The following IL5RA variants were observed in gnomAD, a reference collection of about 807,000 sequenced individuals.
IL5RA encodes interleukin 5 receptor subunit alpha.
A neutral mutation model predicts 50.0 loss-of-function variants in IL5RA; 49 were observed. That is an observed-to-expected ratio of 0.98 (90% CI 0.78 to 1.24). The LOEUF (loss-of-function observed/expected upper bound fraction) is 1.24, where lower values mean the gene tolerates loss of function less well. Among genes scored for constraint, IL5RA ranks in the 50% most tolerant of loss-of-function variants. IL5RA has a pLI of 0.00. For missense variants in IL5RA, 600 were observed against 500.4 expected (o/e 1.20, Z -1.90); for synonymous variants, 202 against 174.0 (o/e 1.16, Z -1.26).
chr3:3,101,576 T>A, intron 5 of IL5RA, 116 bp downstream of exon 5: 1 of 939,110 alleles, frequency 1.1e-6, no homozygotes, highest in Non-Finnish European at 1.6e-6. Flanking sequence ...TATGGGAGAG[T>A]ACTTGAGAAG....
intron 2 of IL5RA, among the ~76,000 whole-genome samples, chr3:3,108,164 T>A (rs923954286): frequency 6.6e-6 from 1 of 152,208 alleles, no homozygotes; most frequent in East Asian, 1.9e-4. Context: ...ATAAAAGTTA[T>A]CTCTTGGGGG....
rs139531666 is a variant in IL5RA at position 3,092,094 on chromosome 3, C to T, written c.994+130G>A. The T allele has an allele frequency of 8.1e-5, 117 of 1,445,602 alleles. No individual in the cohort carries two copies. The highest frequency in any genetic ancestry group is 3.6e-4 in the East Asian group (15 of 41,526). The allele number at this position is 1,445,602 out of a possible 1,614,324, so 89.5% of individuals were successfully genotyped here. On this transcript the variant is annotated intron_variant, in intron 9 of 11. Coordinates refer to ENST00000446632, the MANE Select transcript of IL5RA (RefSeq NM_175726.4). This position sits in a 1 kb window ranked among gnomAD's most constrained non-coding sequence, Gnocchi z 4.2. ...ATTCCTGATTGAAAAGGCAGTAGAC[C>T]GAGAGAAAATTAGTCACAATAGAGA...
intron 5 of IL5RA, 77 bp from the exon 6 acceptor site, chr3:3,098,367 T>A (rs1703463985): frequency 2.3e-6 from 3 of 1,311,986 alleles, no homozygotes; most frequent in African/African-American, 1.5e-5. Flanking sequence ...GGAACTATAG[T>A]GATGTGAACG....
intron 9 of IL5RA, among the ~76,000 whole-genome samples, chr3:3,083,388 A>G (rs955443568): frequency 4.6e-5 from 7 of 152,212 alleles, no homozygotes; most frequent in Admixed American, 1.3e-4. Flanking sequence ...GCTTGCATTA[A>G]CCGAATAGAG....
Position 3,069,378 on chromosome 3 carries a change from C to T in IL5RA, c.*847G>A, listed in dbSNP as rs1304288219. 1 of 152,232 alleles carries T rather than the reference C, an allele frequency of 6.6e-6. No homozygotes were observed. The highest frequency in any genetic ancestry group is 1.5e-5 in the Non-Finnish European group (1 of 68,046). The allele number at this position is 152,232 out of a possible 1,614,324, so 9.4% of individuals were successfully genotyped here. On this transcript the variant is annotated 3_prime_UTR_variant, in exon 12 of 12. Transcript: ENST00000446632. ...GGCATTACTTGACCAACAAGTTGTT[C>T]TGAAGTCTTTGGCAGCAAACATCTC...
Position 3,066,562 on chromosome 3 carries a change from T to C in IL5RA, c.*3663A>G, listed in dbSNP as rs1702142175. 1 of 152,242 alleles carries C rather than the reference T, an allele frequency of 6.6e-6. No homozygotes were observed. Among genetic ancestry groups the C allele is most frequent in the Non-Finnish European group, 1.5e-5 (1 of 68,042 alleles). 9.4% of individuals were successfully genotyped at this position (152,242 alleles called of 1,614,324 possible). A position where few individuals can be genotyped will look rare whatever the true frequency, so the allele number is the denominator to read the frequency against. ...TTCTAATTAGGTTTTTCACCTTTAC[T>C]TGTGCCATCAGAGATTGTTTTCAGT... On this transcript the variant is annotated 3_prime_UTR_variant, in exon 12 of 12. Coordinates refer to ENST00000446632, the MANE Select transcript of IL5RA (RefSeq NM_175726.4).
At chr3:3,090,099 G>T in intron 9 of IL5RA, 1 of 1,129,826 alleles carries the variant, frequency 8.9e-7, no homozygotes, top group African/African-American at 1.6e-5. Flanking sequence ...TTCCAAACAA[G>T]TTTTTTGATA....
intron 1 of IL5RA, among the ~76,000 whole-genome samples, chr3:3,109,488 A>G (rs777383015): frequency 7.2e-5 from 11 of 152,206 alleles, no homozygotes; most frequent in Non-Finnish European, 1.3e-4. Flanking sequence ...GGCAGAATAT[A>G]TGTTCTCATT....
At chr3:3,093,910 G>T (rs959592586) in intron 8 of IL5RA, among the ~76,000 whole-genome samples, 4 of 151,978 alleles carry the variant, frequency 2.6e-5, no homozygotes, top group African/African-American at 9.7e-5. Context: ...TCCTAGCTTT[G>T]TGACTGTGGG....
chr3:3,079,836 C>A (rs112009476), intron 9 of IL5RA, among the ~76,000 whole-genome samples: 2,411 of 152,234 alleles, frequency 0.016, 37 homozygotes, highest in Non-Finnish European at 0.024. Context: ...GCGTTTGAGA[C>A]CAGCCTGGCC....
At chr3:3,097,656 G>T (rs534910046) in intron 7 of IL5RA, among the ~76,000 whole-genome samples, 2 of 152,140 alleles carry the variant, frequency 1.3e-5, no homozygotes, top group African/African-American at 2.4e-5. Context: ...ATATCCTACA[G>T]TGCCCAGCAC....
At chr3:3,076,670 G>A (rs1702497391) in intron 9 of IL5RA, 43 bp from the exon 10 acceptor site, 1 of 1,281,408 alleles carries the variant, frequency 7.8e-7, no homozygotes. Flanking sequence ...TAAAGTCCAA[G>A]TTAGAAGCAG....
At chr3:3,084,384 C>T (rs1702778648) in intron 9 of IL5RA, among the ~76,000 whole-genome samples, 1 of 152,178 alleles carries the variant, frequency 6.6e-6, no homozygotes, top group South Asian at 2.1e-4. Context: ...AATAAACACA[C>T]ACCAAATATT....
intron 9 of IL5RA, among the ~76,000 whole-genome samples, chr3:3,083,193 G>T (rs773444623): frequency 6.6e-5 from 10 of 152,228 alleles, no homozygotes; most frequent in Non-Finnish European, 1.5e-4. Context: ...GTGCAGGCAA[G>T]TCAGGAGCAG....
At position 3,070,278 on chromosome 3, in the gene IL5RA, T is replaced by C. The variant is rs1164738881; in HGVS notation, c.1210A>G (p.Ile404Val). 1 of 1,613,396 alleles carries C rather than the reference T, an allele frequency of 6.2e-7. No individual in the cohort carries two copies. The highest frequency in any genetic ancestry group is 1.3e-5 in the African/African-American group (1 of 74,890). Residue 404 changes from isoleucine to valine, a missense_variant, in exon 12 of 12, where the codon ATC becomes GTC. Ile to Val is a conservative substitution (Grantham distance 29). Transcript: ENST00000446632. ...AGSSETEIEV[I>V]CYIEKPGVET... is the part of the protein sequence containing the mutation. ...ACTCCAGGCTTCTCTATATAACAGATGACTTCAATTTCCGTCTCACTGGAC... is the reference window on the plus strand; with the variant it reads ...ACTCCAGGCTTCTCTATATAACAGACGACTTCAATTTCCGTCTCACTGGAC...
chr3:3,074,845 C>G lies in IL5RA; in HGVS notation c.1113G>C (p.Leu371Phe). The change falls in exon 11 of 12, where the codon TTG becomes TTC. Residue 371 changes from leucine to phenylalanine, a missense_variant. Coordinates refer to ENST00000446632, the MANE Select transcript of IL5RA (RefSeq NM_175726.4). ...ICKICHLWIKLFPPIPAPKSN... is the reference protein window; with the variant it reads ...ICKICHLWIKFFPPIPAPKSN... ...TTTTTGGTGCTGGAATTGGTGGAAA[C>G]AACTTGATCCATAAATGACATCTGA... 6.2e-7 allele frequency: 1 copy of G among 1,607,510 alleles called. No individual in the cohort carries two copies. The highest frequency in any genetic ancestry group is 8.5e-7 in the Non-Finnish European group (1 of 1,174,028).
At chr3:3,104,400 CA>C (rs1359740694) in intron 3 of IL5RA, among the ~76,000 whole-genome samples, 1 of 152,228 alleles carries the variant, frequency 6.6e-6, no homozygotes, top group Non-Finnish European at 1.5e-5. Context: ...GCAATAGTCA[CA>C]TATGGCTAGT....
chr3:3,092,368 T>C lies in IL5RA; in HGVS notation c.856-6A>G. 1 of 1,611,794 alleles carries C rather than the reference T, an allele frequency of 6.2e-7. No homozygotes were observed. The highest frequency in any genetic ancestry group is 8.5e-7 in the Non-Finnish European group (1 of 1,179,190). On this transcript the variant is annotated splice_polypyrimidine_tract_variant and splice_region_variant and intron_variant, in intron 8 of 11. Coordinates refer to ENST00000446632, the MANE Select transcript of IL5RA (RefSeq NM_175726.4). This position sits in a 1 kb window ranked among gnomAD's most constrained non-coding sequence, Gnocchi z 4.2. ...TTGGTCATCAATTTTTCTATCTAAG[T>C]GGGGAAAGATAGCATTAGAAGAATC...
intron 9 of IL5RA, among the ~76,000 whole-genome samples, chr3:3,082,750 C>G (rs1315301954): frequency 1.3e-5 from 2 of 152,306 alleles, no homozygotes; most frequent in African/African-American, 4.8e-5. Flanking sequence ...CTTTGTCAAG[C>G]CACTTCCCTT....
Sources: allele counts gnomAD v4.1 joint callset (sites outside exome capture counted in the v4.1 genomes callset), GRCh38; gene constraint gnomAD v4.1.1; non-coding constraint Gnocchi (gnomAD v3.1); transcripts MANE v1.5; gene names NCBI Gene and HGNC (gene_info 2026-07-23, HGNC 2026-07-21).